DPP6: variants seen among roughly 807,000 people sequenced by gnomAD.
DPP6 encodes the protein dipeptidyl peptidase like 6.
DPP6 carries 69 observed loss-of-function variants against 122.6 expected under a neutral mutation model. That is an observed-to-expected ratio of 0.56 (90% CI 0.46 to 0.69). DPP6 has a LOEUF of 0.69. Ranked by LOEUF, DPP6 falls within the 30% of genes least tolerant of loss-of-function variation. The pLI is 0.00. For synonymous variants in DPP6, 418 were observed against 433.1 expected, an observed-to-expected ratio of 0.97 and a Z score of 0.43; for missense variants, 928 against 1,116.9, an observed-to-expected ratio of 0.83 and a Z score of 2.41.
intron 1 of DPP6, among the ~76,000 whole-genome samples, chr7:154,213,292 G>GTGTAGCAAGTATT (rs1328383257): frequency 1.3e-5 from 2 of 152,230 alleles, no homozygotes; most frequent in East Asian, 3.8e-4. Context: ...ATTTCAGAAT[G>GTGTAGCAAGTATT]TGTAGCAAGT....
chr7:153,862,144 A>G, the DPP6 span, among the ~76,000 whole-genome samples: 3 of 152,248 alleles, frequency 2.0e-5, no homozygotes, highest in African/African-American at 7.2e-5. Flanking sequence ...AGCAGGGGAA[A>G]AGAATGACGA....
chr7:153,997,192 G>A (rs1797481374), intron 1 of DPP6, among the ~76,000 whole-genome samples: 1 of 151,984 alleles, frequency 6.6e-6, no homozygotes, highest in African/African-American at 2.4e-5. Context: ...TTAAATTGGA[G>A]GGAAACCCCA....
At position 154,451,381 on chromosome 7, in the gene DPP6, G is replaced by C. The variant is rs1222852813; in HGVS notation, c.358+5053G>C. Among the ~76,000 whole-genome samples the C allele has an allele frequency of 1.1e-3, 133 of 125,316 alleles. 2 individuals are homozygous for C. Among genetic ancestry groups the C allele is most frequent in the African/African-American group, 3.5e-3 (127 of 36,326 alleles). The allele number at this position is 125,316 out of a possible 152,430, so 82.2% of individuals were successfully genotyped here. The stretch of plus-strand genomic sequence containing the variant: ...CTCACCAAAAAAAAAAAAAAAAAAA[G>C]TGGAATTAAATGGCTGCCCGGAGCT... On this transcript the variant is annotated intron_variant, in intron 2 of 25. Coordinates refer to ENST00000377770, the MANE Select transcript of DPP6 (RefSeq NM_130797.4).
chr7:154,873,823 C>A (rs1014126584), intron 19 of DPP6, among the ~76,000 whole-genome samples: 1 of 139,430 alleles, frequency 7.2e-6, no homozygotes, highest in Non-Finnish European at 1.6e-5. Context: ...CATGCACACA[C>A]GCATACATAA....
chr7:154,607,555 C>CT (rs1158934649), intron 5 of DPP6, among the ~76,000 whole-genome samples: 2 of 43,066 alleles, frequency 4.6e-5, no homozygotes, highest in African/African-American at 1.4e-4. Context: ...GAGCAAGACT[C>CT]TGTCTCAAAA....
intron 1 of DPP6, among the ~76,000 whole-genome samples, chr7:154,125,010 G>A (rs1807775668): frequency 6.6e-6 from 1 of 152,382 alleles, no homozygotes; most frequent in South Asian, 2.1e-4. Flanking sequence ...TGTGTGGTGA[G>A]TTGGAGGACA....
intron 5 of DPP6, among the ~76,000 whole-genome samples, chr7:154,621,178 T>C (rs1199810317): frequency 6.6e-6 from 1 of 152,138 alleles, no homozygotes. Context: ...GTCATTTATT[T>C]GATGGTTTTA....
chr7:154,560,163 A>G (rs924503932), intron 4 of DPP6, among the ~76,000 whole-genome samples: 1 of 152,048 alleles, frequency 6.6e-6, no homozygotes, highest in Non-Finnish European at 1.5e-5. Flanking sequence ...TGTTGTCAAC[A>G]TATGGCCAGG....
the DPP6 span, among the ~76,000 whole-genome samples, chr7:153,772,179 A>G: frequency 1.3e-5 from 2 of 151,976 alleles, no homozygotes; most frequent in Non-Finnish European, 2.9e-5. Flanking sequence ...CACTTCCTGG[A>G]CTGAAACAAT....
In DPP6 at chr7:154,778,562, C is replaced by T. The variant is rs201170928; in HGVS notation, c.1136+5620C>T. Among the ~76,000 whole-genome samples, 98 of 151,300 alleles carry T rather than the reference C, an allele frequency of 6.5e-4. No homozygotes were observed. In the East Asian group the frequency reaches 0.018, roughly 28 times the overall value. ...ATACCTAATGGCTTGAGCACCCCCCCCCAAAAAAAACCACCACCATCATCA... is the reference window on the plus strand; with the variant it reads ...ATACCTAATGGCTTGAGCACCCCCCTCCAAAAAAAACCACCACCATCATCA... On this transcript the variant is annotated intron_variant, in intron 10 of 25. Coordinates refer to ENST00000377770, the MANE Select transcript of DPP6 (RefSeq NM_130797.4).
chr7:154,264,827 A>T (rs1803275429), intron 1 of DPP6, among the ~76,000 whole-genome samples: 1 of 151,728 alleles, frequency 6.6e-6, no homozygotes, highest in African/African-American at 2.4e-5. Context: ...AATGATAGTG[A>T]TAGTGATGAT....
chr7:154,876,253 A>C (rs1804846279), intron 20 of DPP6, 153 bp downstream of exon 20: 1 of 1,260,000 alleles, frequency 7.9e-7, no homozygotes, highest in Non-Finnish European at 1.0e-6. Context: ...CATTCCAAAG[A>C]AGTTTCAAAG....
chr7:154,377,369 G>T (rs572480839), intron 1 of DPP6, among the ~76,000 whole-genome samples: 2 of 152,174 alleles, frequency 1.3e-5, no homozygotes, highest in African/African-American at 4.8e-5. Context: ...GTAGGAAATG[G>T]AGTGAGGCAG....
intron 1 of DPP6, among the ~76,000 whole-genome samples, chr7:154,239,818 C>CAA (rs146860382): frequency 0.023 from 2,109 of 91,774 alleles, 70 homozygotes; most frequent in East Asian, 0.086. Flanking sequence ...ACTAAAACTA[C>CAA]AAAAAAAAAA....
the DPP6 span, among the ~76,000 whole-genome samples, chr7:153,863,857 T>C: frequency 1.3e-5 from 2 of 152,326 alleles, no homozygotes; most frequent in African/African-American, 4.8e-5. Flanking sequence ...GCTTCTTTCA[T>C]TTAGGATGAA....
chr7:154,795,814 C>T (rs1377466357), intron 11 of DPP6, 31 bp from the exon 12 acceptor site: 1 of 1,593,486 alleles, frequency 6.3e-7, no homozygotes, highest in Non-Finnish European at 8.5e-7. Flanking sequence ...AAAGAAAAAC[C>T]CTCTTGTCTA....
intron 1 of DPP6, among the ~76,000 whole-genome samples, chr7:153,922,047 C>T (rs1800663631): frequency 6.6e-6 from 1 of 152,160 alleles, no homozygotes; most frequent in African/African-American, 2.4e-5. Context: ...CCCAAGGGCA[C>T]TATTGATCTG....
At chr7:154,236,293 T>C (rs1365915401) in intron 1 of DPP6, among the ~76,000 whole-genome samples, 2 of 152,242 alleles carry the variant, frequency 1.3e-5, no homozygotes, top group African/African-American at 4.8e-5. Flanking sequence ...CTAAATATTA[T>C]ATATCATATT....
At chr7:154,429,721 G>T (rs992202295) in intron 1 of DPP6, among the ~76,000 whole-genome samples, 1 of 152,194 alleles carries the variant, frequency 6.6e-6, no homozygotes, top group Admixed American at 6.5e-5. Flanking sequence ...AGGACCCAAG[G>T]CTAATGTGGA....
Sources: gnomAD v4.1 joint callset for allele counts (sites outside exome capture counted in the v4.1 genomes callset) on GRCh38, gnomAD v4.1.1 for gene constraint, MANE v1.5 for transcripts, NCBI Gene and HGNC (gene_info 2026-07-23, HGNC 2026-07-21) for gene names.